The following PDCD6IP variants were observed in gnomAD, a reference collection of about 807,000 sequenced individuals.
PDCD6IP encodes programmed cell death 6 interacting protein.
PDCD6IP carries 43 observed loss-of-function variants against 103.7 expected under a neutral mutation model. The observed-to-expected ratio is 0.41, with a 90% confidence interval of 0.32 to 0.53. The LOEUF (loss-of-function observed/expected upper bound fraction) is 0.53. PDCD6IP is among the 20% of genes least tolerant of loss of function. PDCD6IP has a pLI of 0.16. For missense variants in PDCD6IP, 871 were observed against 1,036.7 expected, an observed-to-expected ratio of 0.84 and a Z score of 2.20; for synonymous variants, 354 against 378.7, an observed-to-expected ratio of 0.93 and a Z score of 0.76.
Position 33,866,843 on chromosome 3 carries a change from G to A in PDCD6IP, c.*318G>A, listed in dbSNP as rs1368134616. ...GATTATACTTTCTACATAAGACATG[G>A]TTGGGACATCAGATACTTACAAAGA... On this transcript the variant is annotated 3_prime_UTR_variant, in exon 18 of 18. Coordinates refer to ENST00000307296, the MANE Select transcript of PDCD6IP (RefSeq NM_013374.6). The A allele has an allele frequency of 9.3e-6, 2 of 215,236 alleles. No homozygotes were observed. Among genetic ancestry groups the A allele is most frequent in the Non-Finnish European group, 9.1e-6 (1 of 110,010 alleles). 13.3% of individuals were successfully genotyped at this position (215,236 alleles called of 1,614,324 possible). A position where few individuals can be genotyped will look rare whatever the true frequency, so the allele number is the denominator to read the frequency against.
rs2125458317 is a variant in PDCD6IP, at chr3:33,869,127, CCAAA to C, written c.*2605_*2608del. 6.6e-6 allele frequency: 1 copy of C among 152,282 alleles called. No homozygotes were observed. Among genetic ancestry groups the C allele is most frequent in the Admixed American group, 6.5e-5 (1 of 15,296 alleles). The allele number at this position is 152,282 out of a possible 1,614,324, so 9.4% of individuals were successfully genotyped here. A position where few individuals can be genotyped will look rare whatever the true frequency, so the allele number is the denominator to read the frequency against. ...TGTCCCAGTCAGCAGTCTTTATAGT[CCAAA>C]CAGATTATAAAAAATGTTTTCCATT... On this transcript the variant is annotated 3_prime_UTR_variant, in exon 18 of 18. Transcript: ENST00000307296.
chr3:33,810,896 AT>A (rs772180215), intron 1 of PDCD6IP, among the ~76,000 whole-genome samples: 470 of 137,952 alleles, frequency 3.4e-3, no homozygotes, highest in Middle Eastern at 7.5e-3. Flanking sequence ...ATGTTTGTGG[AT>A]TTTTTTTTTT....
intron 7 of PDCD6IP, among the ~76,000 whole-genome samples, chr3:33,833,239 A>G (rs1317462736): frequency 6.6e-6 from 1 of 152,146 alleles, no homozygotes; most frequent in African/African-American, 2.4e-5. Context: ...AGTAGTTAAT[A>G]GTCATAATCC....
chr3:33,817,791 A>T (rs1034256851), intron 3 of PDCD6IP, among the ~76,000 whole-genome samples: 1 of 152,002 alleles, frequency 6.6e-6, no homozygotes, highest in Non-Finnish European at 1.5e-5. Context: ...CTTAAAAGAG[A>T]GCAAGTAAGA....
chr3:33,864,858 G>A (rs962751449), intron 16 of PDCD6IP, among the ~76,000 whole-genome samples: 1 of 152,208 alleles, frequency 6.6e-6, no homozygotes, highest in African/African-American at 2.4e-5. Context: ...ATTGGTAGAT[G>A]TGTGATTATT....
intron 3 of PDCD6IP, among the ~76,000 whole-genome samples, chr3:33,820,036 C>T (rs1348446719): frequency 1.3e-5 from 2 of 152,158 alleles, no homozygotes; most frequent in Non-Finnish European, 2.9e-5. Context: ...GTAATCCCAG[C>T]ATTTTGGGAG....
Position 33,838,224 on chromosome 3 carries a change from C to G in PDCD6IP, c.1078C>G (p.Pro360Ala), listed in dbSNP as rs543386492. 1 of 1,613,390 alleles carries G rather than the reference C, an allele frequency of 6.2e-7. No homozygotes were observed. Among genetic ancestry groups the G allele is most frequent in the East Asian group, 2.2e-5 (1 of 44,856 alleles). Residue 360 changes from proline (P) to alanine (A), a missense_variant, in exon 9 of 18, where the codon CCC (proline) becomes GCC (alanine). Pro to Ala is a conservative substitution (Grantham distance 27). Coordinates refer to ENST00000307296, the MANE Select transcript of PDCD6IP (RefSeq NM_013374.6). ...KFTDLFEKMV[P>A]VSVQQSLAAY... is the part of the protein sequence containing the mutation. ...TTTAGATCTGTTTGAGAAGATGGTT[C>G]CCGTGTCAGTACAGCAGTCTTTGGC...
chr3:33,798,766 C>A lies in PDCD6IP; in HGVS notation c.38C>A (p.Ser13Ter). The A allele has an allele frequency of 6.3e-7, 1 of 1,575,132 alleles. No homozygotes were observed. The highest frequency in any genetic ancestry group is 2.4e-5 in the East Asian group (1 of 42,094). ...TFISVQLKKT[S>*]EVDLAKPLVK... The stretch of plus-strand genomic sequence containing the variant: ...ATCTCGGTGCAGCTGAAAAAGACCT[C>A]AGAGGTGGACCTGGCCAAGCCGCTG... The change falls in exon 1 of 18, where the codon TCA (serine) becomes TAA (stop). Residue 13 changes from serine to a stop codon, truncating the protein, a stop_gained. Transcript: ENST00000307296. LOFTEE classifies it high-confidence loss of function.
intron 9 of PDCD6IP, among the ~76,000 whole-genome samples, chr3:33,841,068 C>A (rs1204417190): frequency 6.6e-6 from 1 of 150,650 alleles, no homozygotes; most frequent in Admixed American, 6.7e-5. Flanking sequence ...CACTCTGTCG[C>A]CCAGGCTGGA....
chr3:33,828,931 C>G lies in PDCD6IP; in HGVS notation c.796C>G (p.Gln266Glu), dbSNP rs1413870401. 3.7e-6 allele frequency: 6 copies of G among 1,609,468 alleles called. No individual in the cohort carries two copies. The South Asian group carries it at 6.6e-5, about 18-fold the overall frequency. Reference sequence around the variant, plus strand: ...GTACCATCAGTCTATCCTGGCAAAACAGCAGAAGAAATTTGGAGAAGAAAT... The same window carrying G: ...GTACCATCAGTCTATCCTGGCAAAAGAGCAGAAGAAATTTGGAGAAGAAAT... ...AEYHQSILAK[Q>E]QKKFGEEIAR... The change falls in exon 7 of 18, where the codon CAG (glutamine) becomes GAG (glutamate). Residue 266 changes from glutamine (Q) to glutamate (E), a missense_variant. Physicochemically the swap from Gln to Glu is conservative, Grantham distance 29 (BLOSUM62 2). Around this residue, in one of 5 missense-constraint regions of PDCD6IP, gnomAD observed 242 missense variants for 250.7 expected, o/e 0.97. Transcript: ENST00000307296.
chr3:33,825,370 T>TG, intron 5 of PDCD6IP, 30 bp downstream of exon 5: 1 of 1,538,710 alleles, frequency 6.5e-7, no homozygotes, highest in South Asian at 1.2e-5. Context: ...TTGTTGCATG[T>TG]GAAAAAAAGT....
intron 12 of PDCD6IP, among the ~76,000 whole-genome samples, chr3:33,850,930 G>A (rs1276468441): frequency 1.4e-5 from 2 of 144,798 alleles, no homozygotes; most frequent in East Asian, 2.0e-4. Flanking sequence ...CCTCTCTTCC[G>A]CCCCTCCCTC....
chr3:33,816,938 A>G (rs1037429279), intron 3 of PDCD6IP, among the ~76,000 whole-genome samples: 6 of 152,356 alleles, frequency 3.9e-5, no homozygotes, highest in Non-Finnish European at 7.3e-5. Flanking sequence ...GCAAAAAATT[A>G]GATCATAAAC....
intron 9 of PDCD6IP, among the ~76,000 whole-genome samples, chr3:33,840,178 T>C (rs1426530378): frequency 2.0e-5 from 3 of 152,180 alleles, no homozygotes; most frequent in Admixed American, 1.3e-4. Context: ...TTTGTATATG[T>C]ATTATATAGT....
chr3:33,812,038 C>T (rs1450699059), intron 1 of PDCD6IP, 34 bp from the exon 2 acceptor site: 2 of 1,569,218 alleles, frequency 1.3e-6, no homozygotes, highest in Non-Finnish European at 1.7e-6. Context: ...TAATATTTAG[C>T]TCTGGTAATT....
intron 3 of PDCD6IP, among the ~76,000 whole-genome samples, chr3:33,819,891 A>G (rs1441317212): frequency 6.6e-6 from 1 of 152,204 alleles, no homozygotes; most frequent in Non-Finnish European, 1.5e-5. Flanking sequence ...AACCATTTTA[A>G]GTGTACACTT....
intron 1 of PDCD6IP, among the ~76,000 whole-genome samples, chr3:33,806,870 C>T (rs1474038569): frequency 1.3e-5 from 2 of 152,196 alleles, no homozygotes; most frequent in African/African-American, 4.8e-5. Context: ...ATGGTAACTG[C>T]AGTTAGCAAT....
chr3:33,799,868 C>A (rs1696430334), intron 1 of PDCD6IP, among the ~76,000 whole-genome samples: 1 of 152,106 alleles, frequency 6.6e-6, no homozygotes, highest in Non-Finnish European at 1.5e-5. Flanking sequence ...CGCCTGTAAT[C>A]CCAGCACTTT....
chr3:33,838,122 T>C, intron 8 of PDCD6IP, 82 bp from the exon 9 acceptor site: 3 of 1,251,760 alleles, frequency 2.4e-6, no homozygotes, highest in Non-Finnish European at 2.3e-6. Flanking sequence ...ATGTGAATAT[T>C]GGAAAGAAAA....
Sources: gnomAD v4.1 joint callset for allele counts (sites outside exome capture counted in the v4.1 genomes callset) on GRCh38, gnomAD v4.1.1 for gene constraint, gnomAD v4.1.1 regional missense constraint, MANE v1.5 for transcripts, NCBI Gene and HGNC (gene_info 2026-07-23, HGNC 2026-07-21) for gene names.